PRDM10: variants seen among roughly 807,000 people sequenced by gnomAD.
The protein encoded by PRDM10 is PR domain zinc finger protein 10.
Under a neutral mutation model 133.1 loss-of-function variants are expected in PRDM10, and 65 were observed. The ratio of observed to expected loss-of-function variants is 0.49; its 90% CI spans 0.40 to 0.60. The LOEUF (loss-of-function observed/expected upper bound fraction) is 0.60. PRDM10 is among the 20% of genes least tolerant of loss of function. The probability of loss-of-function intolerance (pLI) is 0.00; values close to 1 mark genes in which losing one functional copy is unlikely to be tolerated. For missense variants in PRDM10, 1,137 were observed against 1,507.1 expected, an observed-to-expected ratio of 0.75 and a Z score of 4.07; for synonymous variants, 582 against 580.4, an observed-to-expected ratio of 1.00 and a Z score of -0.04.
At position 129,931,088 on chromosome 11, in the gene PRDM10, C is replaced by A; in HGVS notation, c.1458G>T (p.Gln486His). The A allele has an allele frequency of 6.2e-7, 1 of 1,614,216 alleles. No homozygotes were observed. Among genetic ancestry groups the A allele is most frequent in the Non-Finnish European group, 8.5e-7 (1 of 1,180,044 alleles). Residue 486 changes from glutamine (Q) to histidine (H), a missense_variant, in exon 11 of 21, where the codon CAG becomes CAT. Physicochemically the swap from Gln to His is conservative, Grantham distance 24 (BLOSUM62 0). Transcript: ENST00000360871. ...PETHTLHLQP[Q>H]HEESVVPTQS... is the part of the protein sequence containing the mutation. ...GGGTGGGCACCACGCTCTCTTCATG[C>A]TGCGGCTGCAGGTGCAGGGTGTGAG...
At chr11:129,990,806 G>A (rs3740879) in intron 1 of PRDM10, among the ~76,000 whole-genome samples, 32,014 of 151,800 alleles carry the variant, frequency 0.21, 4,733 homozygotes, top group East Asian at 0.5. Context: ...TTCATTTTCA[G>A]TTTCTCATAC....
rs1950630784 is a variant in PRDM10, at chr11:129,924,941, T to C, written c.1819A>G (p.Ile607Val). 1.9e-6 allele frequency: 3 copies of C among 1,614,164 alleles called. No individual in the cohort carries two copies. The highest frequency in any genetic ancestry group is 2.5e-6 in the Non-Finnish European group (3 of 1,180,012). The change falls in exon 12 of 21, where the codon ATC (isoleucine) becomes GTC (valine). Residue 607 changes from isoleucine to valine, a missense_variant. Physicochemically the swap from Ile to Val is conservative, Grantham distance 29. Around this residue, in one of 6 missense-constraint regions of PRDM10, gnomAD observed 635 missense variants for 835.2 expected, o/e 0.76. Coordinates refer to ENST00000360871, the MANE Select transcript of PRDM10 (RefSeq NM_199437.2). ...GGGCAGGTGAAGTAGCCATCATTGA[T>C]ATGAATGGCCACATGATCTTTCAAC... is the stretch of plus-strand genomic sequence containing the variant. ...DLLKDHVAIH[I>V]NDGYFTCPTC... is the part of the protein sequence containing the mutation.
intron 1 of PRDM10, among the ~76,000 whole-genome samples, chr11:129,990,987 A>G (rs768488827): frequency 2.0e-5 from 3 of 152,150 alleles, no homozygotes; most frequent in Non-Finnish European, 4.4e-5. Context: ...TAATAAAACC[A>G]CCACCGTAGG....
rs199973847 is a variant in PRDM10, at chr11:129,956,563, C to CA, written c.235-993dup. On this transcript the variant is annotated intron_variant, in intron 3 of 20. Coordinates refer to ENST00000360871, the MANE Select transcript of PRDM10 (RefSeq NM_199437.2). The stretch of plus-strand genomic sequence containing the variant: ...TAGGAGACAGAGCAAGACTCTGTCT[C>CA]AAAAAAAATAAAAAATAAGTAAACA... Among the ~76,000 whole-genome samples, 181 of 150,548 alleles carry CA rather than the reference C, an allele frequency of 1.2e-3. 1 individual carries two copies. The highest frequency in any genetic ancestry group is 3.5e-3 in the Middle Eastern group (1 of 288).
intron 1 of PRDM10, among the ~76,000 whole-genome samples, chr11:129,966,647 G>A (rs1024784867): frequency 6.6e-5 from 10 of 152,216 alleles, no homozygotes; most frequent in African/African-American, 2.2e-4. Context: ...TTAACCAACC[G>A]AGGCCCTTAC....
Position 129,917,233 on chromosome 11 carries a change from T to C in PRDM10, c.2219A>G (p.Asn740Ser). 1 of 1,608,074 alleles carries C rather than the reference T, an allele frequency of 6.2e-7. No individual in the cohort carries two copies. Among genetic ancestry groups the C allele is most frequent in the Non-Finnish European group, 8.5e-7 (1 of 1,174,842 alleles). The change falls in exon 15 of 21, where the codon AAT (asparagine) becomes AGT (serine). Residue 740 changes from asparagine to serine, a missense_variant. Physicochemically the swap from Asn to Ser is conservative, Grantham distance 46. This residue lies in a region of PRDM10 where 65 missense variants were observed against 151.1 expected (regional missense o/e 0.43). Coordinates refer to ENST00000360871, the MANE Select transcript of PRDM10 (RefSeq NM_199437.2). ...GTCTGGGTGTCTCTTCGATAAGTGA[T>C]TTACCTAAAGGGAAAAGAAAGAACC... Reference protein sequence around the residue: ...MGFRRRGMLVNHLSKRHPDMK... With the variant: ...MGFRRRGMLVSHLSKRHPDMK...
chr11:129,997,085 A>G (rs1939103692), intron 1 of PRDM10, among the ~76,000 whole-genome samples: 2 of 152,236 alleles, frequency 1.3e-5, no homozygotes, highest in African/African-American at 4.8e-5. Context: ...AAAGGCATCA[A>G]TAAAGGCAGC....
chr11:129,957,444 C>T (rs112123366), intron 3 of PRDM10, among the ~76,000 whole-genome samples: 2,066 of 152,198 alleles, frequency 0.014, 44 homozygotes, highest in African/African-American at 0.047. Context: ...CAGCCTCCCA[C>T]GTAGCTGGGA....
intron 2 of PRDM10, among the ~76,000 whole-genome samples, chr11:129,959,101 C>G (rs374939686): frequency 6.6e-6 from 1 of 152,128 alleles, no homozygotes. Flanking sequence ...TGGCTTTGGA[C>G]CTAACTTTTT....
At chr11:129,999,631 G>A (rs1274670752) in intron 1 of PRDM10, among the ~76,000 whole-genome samples, 1 of 152,064 alleles carries the variant, frequency 6.6e-6, no homozygotes, top group Non-Finnish European at 1.5e-5. Flanking sequence ...ATATAATTAC[G>A]CGGTTACGAG....
chr11:130,001,260 A>G (rs1467405395), intron 1 of PRDM10, among the ~76,000 whole-genome samples: 1 of 152,170 alleles, frequency 6.6e-6, no homozygotes, highest in East Asian at 1.9e-4. Context: ...AGTGGAAGCT[A>G]TTGTGATGCT....
intron 2 of PRDM10, among the ~76,000 whole-genome samples, chr11:129,959,467 A>G (rs1480813360): frequency 2.0e-5 from 3 of 152,138 alleles, no homozygotes; most frequent in Admixed American, 2.0e-4. Flanking sequence ...CTTGGTCTTC[A>G]TCATTCATTA....
At chr11:129,902,832 A>T (rs1949884789) in intron 20 of PRDM10, among the ~76,000 whole-genome samples, 1 of 152,226 alleles carries the variant, frequency 6.6e-6, no homozygotes, top group African/African-American at 2.4e-5. Flanking sequence ...TGATTTACAA[A>T]TTCAGAAAAG....
chr11:129,946,149 T>C (rs1263950732), intron 5 of PRDM10, among the ~76,000 whole-genome samples: 1 of 151,644 alleles, frequency 6.6e-6, no homozygotes, highest in Non-Finnish European at 1.5e-5. Context: ...CTCCGGAGGC[T>C]GAGGCTTGAG....
Position 129,947,138 on chromosome 11 carries a change from C to A in PRDM10, c.520+7G>T. 1 of 1,613,808 alleles carries A rather than the reference C, an allele frequency of 6.2e-7. No homozygotes were observed. The highest frequency in any genetic ancestry group is 8.5e-7 in the Non-Finnish European group (1 of 1,179,796). The stretch of plus-strand genomic sequence containing the variant: ...CTTCCCTGGGGGAGACCCGTGCCCA[C>A]ACTTACACAAGTCGTGTGGGTCGAA... On this transcript the variant is annotated splice_region_variant and intron_variant, in intron 5 of 20. Transcript: ENST00000360871. The surrounding 1 kb of genome is among the most constrained non-coding windows in gnomAD (Gnocchi z 4.6).
At position 129,902,074 on chromosome 11, in the gene PRDM10, G is replaced by A. The variant is rs939868896; in HGVS notation, c.*239C>T. 22 of 500,648 alleles carry A rather than the reference G, an allele frequency of 4.4e-5. No individual in the cohort carries two copies. The highest frequency in any genetic ancestry group is 2.8e-4 in the East Asian group (8 of 28,858). 31.0% of individuals were successfully genotyped at this position (500,648 alleles called of 1,614,324 possible). ...GAGCAAGGCAAATTCTCTCCACCTC[G>A]AAATCTACTTTCCCCTGAAAGATCT... On this transcript the variant is annotated 3_prime_UTR_variant, in exon 21 of 21. Transcript: ENST00000360871.
chr11:129,986,198 C>T (rs1938433653), intron 1 of PRDM10, among the ~76,000 whole-genome samples: 1 of 151,084 alleles, frequency 6.6e-6, no homozygotes, highest in South Asian at 2.1e-4. Context: ...CCTTGTGTAG[C>T]AGGCTGTGGC....
At chr11:129,958,798 A>G (rs1378691759) in intron 2 of PRDM10, among the ~76,000 whole-genome samples, 1 of 152,238 alleles carries the variant, frequency 6.6e-6, no homozygotes, top group Non-Finnish European at 1.5e-5. Context: ...AGAAAATTCT[A>G]ATAAAGTACT....
intron 20 of PRDM10, 152 bp from the exon 21 acceptor site, chr11:129,902,668 G>T: frequency 1.5e-6 from 2 of 1,318,634 alleles, no homozygotes; most frequent in Non-Finnish European, 2.0e-6. Flanking sequence ...AGAGAGGGTG[G>T]ATCAGTCACA....
Sources: gnomAD v4.1 joint callset for allele counts (sites outside exome capture counted in the v4.1 genomes callset) on GRCh38, gnomAD v4.1.1 for gene constraint, gnomAD v4.1.1 regional missense constraint, Gnocchi (gnomAD v3.1) non-coding constraint, MANE v1.5 for transcripts, NCBI Gene and HGNC (gene_info 2026-07-23, HGNC 2026-07-21) for gene names.